The following SUSD1 variants were observed in gnomAD, a reference collection of about 807,000 sequenced individuals.
SUSD1 encodes sushi domain-containing protein 1.
SUSD1 carries 65 observed loss-of-function variants against 86.9 expected under a neutral mutation model. That is an observed-to-expected ratio of 0.75 (90% CI 0.61 to 0.92). The LOEUF (loss-of-function observed/expected upper bound fraction) is 0.92, where lower values mean the gene tolerates loss of function less well. Ranked by LOEUF, SUSD1 falls within the 40% of genes least tolerant of loss-of-function variation. The probability of loss-of-function intolerance (pLI) is 0.00; values close to 1 mark genes in which losing one functional copy is unlikely to be tolerated. For synonymous variants in SUSD1, 346 were observed against 350.0 expected (o/e 0.99, Z 0.13); for missense variants, 850 against 929.7 (o/e 0.91, Z 1.11).
chr9:112,099,241 T>C (rs1018493954), intron 9 of SUSD1, among the ~76,000 whole-genome samples: 1 of 152,122 alleles, frequency 6.6e-6, no homozygotes, highest in African/African-American at 2.4e-5. Flanking sequence ...AAAGACAGGA[T>C]CTTACTTTGT....
At chr9:112,118,644 C>T (rs1321335964) in intron 6 of SUSD1, among the ~76,000 whole-genome samples, 1 of 152,110 alleles carries the variant, frequency 6.6e-6, no homozygotes, top group African/African-American at 2.4e-5. Flanking sequence ...GCCACCACAC[C>T]CAGCTAATTT....
intron 16 of SUSD1, 104 bp downstream of exon 16, chr9:112,041,763 A>T: frequency 8.8e-7 from 1 of 1,140,768 alleles, no homozygotes; most frequent in East Asian, 2.6e-5. Flanking sequence ...GACAACCTCC[A>T]CCCACACTCC....
intron 12 of SUSD1, among the ~76,000 whole-genome samples, chr9:112,075,355 C>T (rs1457460365): frequency 6.6e-6 from 1 of 151,986 alleles, no homozygotes; most frequent in Non-Finnish European, 1.5e-5. Context: ...GTAAAACATA[C>T]AGACAAAAAT....
intron 3 of SUSD1, among the ~76,000 whole-genome samples, chr9:112,143,892 C>T (rs183671291): frequency 3.4e-4 from 51 of 152,174 alleles, no homozygotes; most frequent in African/African-American, 1.1e-3. Context: ...TAACCATCAC[C>T]GGCTCCCTGA....
chr9:112,103,112 A>C, intron 8 of SUSD1: 1 of 456,274 alleles, frequency 2.2e-6, no homozygotes, highest in East Asian at 7.1e-5. Context: ...ACCAGAGAGA[A>C]GCTATTTTAT....
intron 2 of SUSD1, among the ~76,000 whole-genome samples, chr9:112,153,039 G>C (rs1396852602): frequency 1.3e-5 from 2 of 152,044 alleles, no homozygotes; most frequent in African/African-American, 2.4e-5. Context: ...GCCAAGGCAA[G>C]AGGATCACTT....
intron 6 of SUSD1, among the ~76,000 whole-genome samples, chr9:112,114,454 G>A (rs989375768): frequency 6.6e-6 from 1 of 152,228 alleles, no homozygotes; most frequent in African/African-American, 2.4e-5. Flanking sequence ...CTGCACTCCA[G>A]CCTGGGTGAC....
At chr9:112,131,350 C>T (rs1433703702) in intron 5 of SUSD1, among the ~76,000 whole-genome samples, 2 of 152,178 alleles carry the variant, frequency 1.3e-5, no homozygotes, top group African/African-American at 4.8e-5. Flanking sequence ...CGCCTCCTGC[C>T]CAATCTTGTC....
Position 112,041,411 on chromosome 9 carries a change from G to T in SUSD1, c.*81C>A. ...GCTCCCTGGACGGAAGTCACACGGA[G>T]CCTCTGTGCGGGCACCTGAGAAGCT... On this transcript the variant is annotated 3_prime_UTR_variant, in exon 17 of 17. Transcript: ENST00000374270. The T allele has an allele frequency of 2.6e-6, 2 of 779,610 alleles. No individual in the cohort carries two copies. Among genetic ancestry groups the T allele is most frequent in the Non-Finnish European group, 4.8e-6 (2 of 417,862 alleles). The allele number at this position is 779,610 out of a possible 1,614,324, so 48.3% of individuals were successfully genotyped here. A position where few individuals can be genotyped will look rare whatever the true frequency, so the allele number is the denominator to read the frequency against.
At chr9:112,051,445 T>C (rs1828204317) in intron 15 of SUSD1, among the ~76,000 whole-genome samples, 1 of 145,626 alleles carries the variant, frequency 6.9e-6, no homozygotes, top group Admixed American at 6.9e-5. Context: ...TTGTTGTTGT[T>C]GTTGAGATGG....
At chr9:112,050,149 C>A (rs1039942331) in intron 15 of SUSD1, among the ~76,000 whole-genome samples, 1 of 152,154 alleles carries the variant, frequency 6.6e-6, no homozygotes, top group African/African-American at 2.4e-5. Flanking sequence ...CCTAGAGCTT[C>A]AGGGGATGGA....
At chr9:112,054,088 G>A (rs1329400772) in intron 14 of SUSD1, among the ~76,000 whole-genome samples, 1 of 152,064 alleles carries the variant, frequency 6.6e-6, no homozygotes, top group African/African-American at 2.4e-5. Flanking sequence ...TACACAAAGG[G>A]AAAAACAAAA....
intron 3 of SUSD1, among the ~76,000 whole-genome samples, chr9:112,148,850 G>A (rs1364097842): frequency 6.6e-6 from 1 of 151,732 alleles, no homozygotes; most frequent in African/African-American, 2.4e-5. Context: ...AGGTTACAGA[G>A]AGTCGAGATT....
At position 112,124,422 on chromosome 9, in the gene SUSD1, T is replaced by G; in HGVS notation, c.721A>C (p.Asn241His). ...KLHCQEINCG[N>H]PPEMRHAILV... is the part of the protein sequence containing the mutation. The stretch of plus-strand genomic sequence containing the variant: ...ATGGCGTGCCGCATTTCTGGAGGGT[T>G]GCCACAGTTGATCTCTGCAATGGGA... Residue 241 changes from asparagine to histidine, a missense_variant, in exon 6 of 17, where the codon AAC (asparagine) becomes CAC (histidine). By Grantham distance (68) the Asn-to-His change is moderately conservative. Coordinates refer to ENST00000374270, the MANE Select transcript of SUSD1 (RefSeq NM_022486.5). The G allele has an allele frequency of 1.2e-6, 2 of 1,613,994 alleles. No homozygotes were observed. The highest frequency in any genetic ancestry group is 2.7e-5 in the African/African-American group (2 of 75,054).
chr9:112,155,451 G>A (rs184689627), intron 2 of SUSD1, among the ~76,000 whole-genome samples: 10 of 152,248 alleles, frequency 6.6e-5, no homozygotes, highest in Non-Finnish European at 1.5e-4. Context: ...AACTTCTCAT[G>A]GGTAGAAACC....
intron 5 of SUSD1, among the ~76,000 whole-genome samples, chr9:112,130,090 T>C (rs1831949970): frequency 6.6e-6 from 1 of 152,144 alleles, no homozygotes; most frequent in South Asian, 2.1e-4. Flanking sequence ...AATAATAGCA[T>C]TCAGCCAGGC....
At chr9:112,134,506 G>A (rs188739832) in intron 5 of SUSD1, among the ~76,000 whole-genome samples, 4 of 152,142 alleles carry the variant, frequency 2.6e-5, no homozygotes, top group East Asian at 3.9e-4. Flanking sequence ...ACACATGAAC[G>A]GATAATCAAA....
intron 12 of SUSD1, among the ~76,000 whole-genome samples, chr9:112,074,387 G>A (rs1450971339): frequency 6.6e-6 from 1 of 152,126 alleles, no homozygotes; most frequent in African/African-American, 2.4e-5. Flanking sequence ...CAGCCTATCA[G>A]CCAAGAGTCA....
At position 112,040,827 on chromosome 9, in the gene SUSD1, A is replaced by G. The variant is rs1253602201; in HGVS notation, c.*665T>C. The G allele has an allele frequency of 1.3e-5, 2 of 152,268 alleles. No individual in the cohort carries two copies. Among genetic ancestry groups the G allele is most frequent in the Admixed American group, 6.5e-5 (1 of 15,286 alleles). 9.4% of individuals were successfully genotyped at this position (152,268 alleles called of 1,614,324 possible). A position where few individuals can be genotyped will look rare whatever the true frequency, so the allele number is the denominator to read the frequency against. On this transcript the variant is annotated 3_prime_UTR_variant, in exon 17 of 17. Coordinates refer to ENST00000374270, the MANE Select transcript of SUSD1 (RefSeq NM_022486.5). Reference sequence around the variant, plus strand: ...ACTGGAATGTAGACATTACTTTTGAATATATAGGACAATAGAAATTGCATC... The same window carrying G: ...ACTGGAATGTAGACATTACTTTTGAGTATATAGGACAATAGAAATTGCATC...
Sources: allele counts gnomAD v4.1 joint callset (sites outside exome capture counted in the v4.1 genomes callset), GRCh38; gene constraint gnomAD v4.1.1; transcripts MANE v1.5; gene names NCBI Gene and HGNC (gene_info 2026-07-23, HGNC 2026-07-21).